The following ZNF525 variants were observed in gnomAD, a reference collection of about 807,000 sequenced individuals.
ZNF525 encodes zinc finger protein 525.
A neutral mutation model predicts 37.6 loss-of-function variants in ZNF525; 33 were observed. That is an observed-to-expected ratio of 0.88 (90% CI 0.67 to 1.17). The LOEUF (loss-of-function observed/expected upper bound fraction) is 1.17. ZNF525 is among the 50% of genes most tolerant of loss of function. The probability of loss-of-function intolerance (pLI) is 0.00; values close to 1 mark genes in which losing one functional copy is unlikely to be tolerated. For synonymous variants in ZNF525, 170 were observed against 182.3 expected, an observed-to-expected ratio of 0.93 and a Z score of 0.54; for missense variants, 449 against 543.1, an observed-to-expected ratio of 0.83 and a Z score of 1.72.
At chr19:53,367,875 C>T (rs1214356519) in intron 1 of ZNF525, among the ~76,000 whole-genome samples, 1 of 152,130 alleles carries the variant, frequency 6.6e-6, no homozygotes, top group African/African-American at 2.4e-5. Flanking sequence ...ATTTCAAGTA[C>T]TGCTTGCAAA....
chr19:53,370,708 A>G lies in ZNF525; in HGVS notation c.-67-1507A>G, dbSNP rs117984575. Among the ~76,000 whole-genome samples the G allele has an allele frequency of 5.5e-3, 842 of 152,356 alleles. 6 individuals are homozygous for G. Among genetic ancestry groups the G allele is most frequent in the Non-Finnish European group, 8.4e-3 (573 of 68,040 alleles). On this transcript the variant is annotated intron_variant, in intron 1 of 3. Coordinates refer to ENST00000474037, the MANE Select transcript of ZNF525 (RefSeq NM_001348156.2). ...TGAAAAAAAAATAATAAAATGCAGA[A>G]GAATGGAAGAAACAGAGTTGCAGAC...
At position 53,379,711 on chromosome 19, in the gene ZNF525, A is replaced by C. The variant is rs1233019412; in HGVS notation, c.143-1011A>C. Among the ~76,000 whole-genome samples the C allele has an allele frequency of 3.3e-5, 5 of 152,208 alleles. No homozygotes were observed. The East Asian group carries it at 9.6e-4, about 29-fold the overall frequency. Reference sequence around the variant, plus strand: ...CTGACACAGTTTACTAGTTAATGTCACAAAGTGCCAGCGGGTGCTGTGGCT... The same window carrying C: ...CTGACACAGTTTACTAGTTAATGTCCCAAAGTGCCAGCGGGTGCTGTGGCT... On this transcript the variant is annotated intron_variant, in intron 3 of 3. Coordinates refer to ENST00000474037, the MANE Select transcript of ZNF525 (RefSeq NM_001348156.2).
In ZNF525 at chr19:53,383,383, C is replaced by G; in HGVS notation, c.*1364C>G. On this transcript the variant is annotated 3_prime_UTR_variant, in exon 4 of 4. Coordinates refer to ENST00000474037, the MANE Select transcript of ZNF525 (RefSeq NM_001348156.2). Reference sequence around the variant, plus strand: ...GTTGCACGTCATCATAGAATTCATACTGGAGAGAAACCTTAGAAATGTGAA... The same window carrying G: ...GTTGCACGTCATCATAGAATTCATAGTGGAGAGAAACCTTAGAAATGTGAA... 1 of 1,153,776 alleles carries G rather than the reference C, an allele frequency of 8.7e-7. No homozygotes were observed. The highest frequency in any genetic ancestry group is 1.2e-6 in the Non-Finnish European group (1 of 801,224). The allele number at this position is 1,153,776 out of a possible 1,614,324, so 71.5% of individuals were successfully genotyped here.
chr19:53,375,925 G>A lies in ZNF525; in HGVS notation c.142+29G>A, dbSNP rs761354928. On this transcript the variant is annotated intron_variant, in intron 3 of 3. Coordinates refer to ENST00000474037, the MANE Select transcript of ZNF525 (RefSeq NM_001348156.2). ...AGGATAACTTCCCTCCAGAAGTGGG[G>A]ATGTGTCCTTTCGTATCTTTGTATT... is the stretch of plus-strand genomic sequence containing the variant. 3.7e-6 allele frequency: 6 copies of A among 1,612,856 alleles called. No homozygotes were observed. The Admixed American group carries it at 5.0e-5, about 14-fold the overall frequency.
chr19:53,381,285 A>T lies in ZNF525; in HGVS notation c.706A>T (p.Ile236Phe), dbSNP rs1259668136. The change falls in exon 4 of 4, where the codon ATT becomes TTT. Residue 236 changes from isoleucine (I) to phenylalanine (F), a missense_variant. Transcript: ENST00000474037. The stretch of plus-strand genomic sequence containing the variant: ...CTCACTCTTAAGGAAACATCAGATT[A>T]TTCATCTAGGAGAGAAACAATATAA... ...YSSLLRKHQI[I>F]HLGEKQYKCD... is the part of the protein sequence containing the mutation. 1 of 1,443,036 alleles carries T rather than the reference A, an allele frequency of 6.9e-7. No homozygotes were observed. The highest frequency in any genetic ancestry group is 9.8e-7 in the Non-Finnish European group (1 of 1,024,036). 89.4% of individuals were successfully genotyped at this position (1,443,036 alleles called of 1,614,324 possible). A position where few individuals can be genotyped will look rare whatever the true frequency, so the allele number is the denominator to read the frequency against.
intron 1 of ZNF525, among the ~76,000 whole-genome samples, chr19:53,366,796 A>T (rs746764699): frequency 2.5e-5 from 3 of 121,294 alleles, no homozygotes; most frequent in African/African-American, 9.6e-5. Context: ...GAGAGTGGGG[A>T]CAGGGGGTAT....
In ZNF525 at chr19:53,377,874, T is replaced by A. The variant is rs186633287; in HGVS notation, c.142+1978T>A. On this transcript the variant is annotated intron_variant, in intron 3 of 3. Coordinates refer to ENST00000474037, the MANE Select transcript of ZNF525 (RefSeq NM_001348156.2). ...CTCACTCAGCCGGCCTCAAAGTTTT[T>A]AAAACATGTTATTGCTATTAGATGG... is the stretch of plus-strand genomic sequence containing the variant. Among the ~76,000 whole-genome samples the A allele has an allele frequency of 4.2e-3, 646 of 152,286 alleles. 3 individuals carry two copies. The highest frequency in any genetic ancestry group is 0.015 in the African/African-American group (605 of 41,554).
In ZNF525 at chr19:53,372,208, C is replaced by T; in HGVS notation, c.-67-7C>T. 1 of 681,094 alleles carries T rather than the reference C, an allele frequency of 1.5e-6. No homozygotes were observed. The highest frequency in any genetic ancestry group is 2.6e-6 in the Non-Finnish European group (1 of 378,412). The allele number at this position is 681,094 out of a possible 1,614,324, so 42.2% of individuals were successfully genotyped here. ...TGAGCAATAAACAACATATTTTTAT[C>T]ACTCAGGATTGACATCTAAAGACTC... is the stretch of plus-strand genomic sequence containing the variant. On this transcript the variant is annotated splice_polypyrimidine_tract_variant and splice_region_variant and intron_variant, in intron 1 of 3. Coordinates refer to ENST00000474037, the MANE Select transcript of ZNF525 (RefSeq NM_001348156.2).
intron 1 of ZNF525, among the ~76,000 whole-genome samples, chr19:53,370,677 CA>C (rs1021972347): frequency 2.3e-4 from 32 of 141,492 alleles, no homozygotes; most frequent in African/African-American, 7.9e-4. Flanking sequence ...TGCAGTACCC[CA>C]AAAATGAAAA....
rs767557124 is a variant in ZNF525 at position 53,382,605 on chromosome 19, C to T, written c.*586C>T. 14 of 668,320 alleles carry T rather than the reference C, an allele frequency of 2.1e-5. No homozygotes were observed. The East Asian group carries it at 2.4e-4, about 12-fold the overall frequency. 41.4% of individuals were successfully genotyped at this position (668,320 alleles called of 1,614,324 possible). A position where few individuals can be genotyped will look rare whatever the true frequency, so the allele number is the denominator to read the frequency against. On this transcript the variant is annotated 3_prime_UTR_variant, in exon 4 of 4. Transcript: ENST00000474037. ...GGCAAAACCTTTCATAGGCAGTCAG[C>T]GCTTATTTACCATCAAGCAATCCAT...
intron 3 of ZNF525, chr19:53,376,224 G>A (rs1188973340): frequency 1.4e-6 from 1 of 711,284 alleles, no homozygotes. Flanking sequence ...GATTACAGGC[G>A]CCAACCCCCG....
At chr19:53,380,160 G>A (rs971204486) in intron 3 of ZNF525, among the ~76,000 whole-genome samples, 1 of 151,180 alleles carries the variant, frequency 6.6e-6, no homozygotes, top group African/African-American at 2.4e-5. Flanking sequence ...GTGCGATCTC[G>A]GCTCACTGCA....
chr19:53,376,165 C>A, intron 3 of ZNF525: 1 of 830,072 alleles, frequency 1.2e-6, no homozygotes, highest in South Asian at 1.4e-5. Context: ...TGAAGTTGGT[C>A]TTGATCTCCT....
Position 53,383,133 on chromosome 19 carries a change from A to C in ZNF525, c.*1114A>C. 1 of 1,326,784 alleles carries C rather than the reference A, an allele frequency of 7.5e-7. No homozygotes were observed. Among genetic ancestry groups the C allele is most frequent in the African/African-American group, 1.5e-5 (1 of 68,832 alleles). The allele number at this position is 1,326,784 out of a possible 1,614,324, so 82.2% of individuals were successfully genotyped here. ...CACCTTGCACGTCATCATAGAACTCATACTGGAGAGAAACATTACAAGTGT... is the reference window on the plus strand; with the variant it reads ...CACCTTGCACGTCATCATAGAACTCCTACTGGAGAGAAACATTACAAGTGT... On this transcript the variant is annotated 3_prime_UTR_variant, in exon 4 of 4. Coordinates refer to ENST00000474037, the MANE Select transcript of ZNF525 (RefSeq NM_001348156.2).
chr19:53,373,184 C>T (rs2085499323), intron 2 of ZNF525, among the ~76,000 whole-genome samples: 2 of 152,040 alleles, frequency 1.3e-5, no homozygotes, highest in Non-Finnish European at 2.9e-5. Flanking sequence ...CCTCCACCTC[C>T]CAGGTTCAAG....
chr19:53,365,995 G>A (rs1418179092), intron 1 of ZNF525, among the ~76,000 whole-genome samples: 3 of 151,990 alleles, frequency 2.0e-5, no homozygotes, highest in East Asian at 1.9e-4. Flanking sequence ...ACTTTCTATC[G>A]CGTAGTTTTC....
At chr19:53,365,890 T>A (rs2085439354) in intron 1 of ZNF525, 131 bp downstream of exon 1, 1 of 152,620 alleles carries the variant, frequency 6.6e-6, no homozygotes, top group African/African-American at 2.4e-5. Context: ...AATTGAGACG[T>A]CCCCGTGAGA....
intron 1 of ZNF525, among the ~76,000 whole-genome samples, chr19:53,371,519 C>G (rs2085487932): frequency 6.6e-6 from 1 of 152,120 alleles, no homozygotes; most frequent in African/African-American, 2.4e-5. Flanking sequence ...TTACAGACAC[C>G]TACCAAGCCC....
intron 1 of ZNF525, among the ~76,000 whole-genome samples, chr19:53,369,016 T>C (rs1321542278): frequency 6.6e-6 from 1 of 152,178 alleles, no homozygotes; most frequent in Non-Finnish European, 1.5e-5. Context: ...TATCTTTTTA[T>C]AGGTAGGTTA....
Sources: gnomAD v4.1 joint callset for allele counts (sites outside exome capture counted in the v4.1 genomes callset) on GRCh38, gnomAD v4.1.1 for gene constraint, MANE v1.5 for transcripts, NCBI Gene and HGNC (gene_info 2026-07-23, HGNC 2026-07-21) for gene names.